Variants in MAP3K5 observed in about 807,000 individuals in gnomAD.
The protein encoded by MAP3K5 is mitogen-activated protein kinase kinase kinase 5.
Under a neutral mutation model 158.7 loss-of-function variants are expected in MAP3K5, and 56 were observed. That is an observed-to-expected ratio of 0.35 (90% confidence interval 0.28 to 0.44). The LOEUF (loss-of-function observed/expected upper bound fraction) is 0.44, where lower values mean the gene tolerates loss of function less well. Among genes scored for constraint, MAP3K5 ranks in the 20% least tolerant of loss-of-function variants. The probability of loss-of-function intolerance (pLI) is 1.00; values close to 1 mark genes in which losing one functional copy is unlikely to be tolerated. For synonymous variants in MAP3K5, 579 were observed against 601.7 expected (o/e 0.96, Z 0.55); for missense variants, 1,294 against 1,674.8 (o/e 0.77, Z 3.97).
chr6:136,679,046 C>A (rs1779823278), intron 7 of MAP3K5, among the ~76,000 whole-genome samples: 1 of 152,146 alleles, frequency 6.6e-6, no homozygotes, highest in Non-Finnish European at 1.5e-5. Flanking sequence ...AAATAATTTG[C>A]ACTATTTAAT....
chr6:136,636,813 A>T, intron 14 of MAP3K5: 12 of 981,532 alleles, frequency 1.2e-5, no homozygotes, highest in Non-Finnish European at 1.5e-5. Context: ...AAAAGTAGGT[A>T]TCCATAGTGC....
At chr6:136,559,119 G>A (rs1160228009) in intron 28 of MAP3K5, among the ~76,000 whole-genome samples, 10 of 152,356 alleles carry the variant, frequency 6.6e-5, no homozygotes. Context: ...AGGAGGCTGA[G>A]GCAGGCGGAT....
In MAP3K5 at chr6:136,656,551, T is replaced by C. The variant is rs919524502; in HGVS notation, c.1527-91A>G. On this transcript the variant is annotated intron_variant, in intron 9 of 29. Coordinates refer to ENST00000359015, the MANE Select transcript of MAP3K5 (RefSeq NM_005923.4). The stretch of plus-strand genomic sequence containing the variant: ...AGTCTAATTCTGTAAATGTAATTTA[T>C]ACATGACATTAATAGTTATGCATTC... 8 of 765,074 alleles carry C rather than the reference T, an allele frequency of 1.0e-5. No homozygotes were observed. The Admixed American group carries it at 1.2e-4, about 12-fold the overall frequency. 47.4% of individuals were successfully genotyped at this position (765,074 alleles called of 1,614,324 possible).
upstream of MAP3K5, among the ~76,000 whole-genome samples, chr6:136,792,892 G>A (rs1290590319): frequency 1.3e-5 from 2 of 152,136 alleles, no homozygotes; most frequent in Admixed American, 6.5e-5. The surrounding 1 kb of genome is among the most constrained non-coding windows in gnomAD (Gnocchi z 5.7). Context: ...CGAGGGTCAG[G>A]GCCAGCCCCC....
At chr6:136,785,590 A>T (rs1279996774) in intron 1 of MAP3K5, among the ~76,000 whole-genome samples, 1 of 152,134 alleles carries the variant, frequency 6.6e-6, no homozygotes, top group Admixed American at 6.5e-5. Flanking sequence ...CGTCGGCCAG[A>T]AGTAGAAAGG....
chr6:136,558,752 A>G (rs146473431), intron 29 of MAP3K5, 48 bp downstream of exon 29: 2 of 1,219,880 alleles, frequency 1.6e-6, no homozygotes, highest in African/African-American at 1.5e-5. Flanking sequence ...ACTTTTTGAT[A>G]TTTGCCTGGT....
At chr6:136,722,759 T>C (rs1781800360) in intron 1 of MAP3K5, among the ~76,000 whole-genome samples, 1 of 149,410 alleles carries the variant, frequency 6.7e-6, no homozygotes, top group Non-Finnish European at 1.5e-5. Flanking sequence ...GCTCACTATA[T>C]ATGCACAGCC....
chr6:136,620,743 CACT>C (rs1776761491), intron 15 of MAP3K5, among the ~76,000 whole-genome samples: 1 of 152,228 alleles, frequency 6.6e-6, no homozygotes, highest in Non-Finnish European at 1.5e-5. Flanking sequence ...GTGTATCATA[CACT>C]ACAACTGCGT....
At chr6:136,622,400 G>A (rs1407570682) in intron 15 of MAP3K5, among the ~76,000 whole-genome samples, 1 of 152,062 alleles carries the variant, frequency 6.6e-6, no homozygotes, top group Non-Finnish European at 1.5e-5. Flanking sequence ...CCAATTTCAG[G>A]GGCAGCTGCC....
At chr6:136,630,565 T>A (rs1388203540) in intron 14 of MAP3K5, among the ~76,000 whole-genome samples, 1 of 152,172 alleles carries the variant, frequency 6.6e-6, no homozygotes, top group East Asian at 1.9e-4. Context: ...AAGCAATGCC[T>A]CCTAAAATAC....
chr6:136,642,632 T>C (rs1325498214), intron 11 of MAP3K5, 63 bp from the exon 12 acceptor site: 1 of 1,149,026 alleles, frequency 8.7e-7, no homozygotes, highest in Non-Finnish European at 1.3e-6. Context: ...ACAACAATAA[T>C]TTTGTTTAAT....
rs973028221 is a variant in MAP3K5 at position 136,609,689 on chromosome 6, G to A, written c.2521+1593C>T. On this transcript the variant is annotated intron_variant, in intron 18 of 29. Transcript: ENST00000359015. The surrounding 1 kb of genome is among the most constrained non-coding windows in gnomAD (Gnocchi z 4.4). ...CGTGCCTATGGTCCCAGCTACTAGG[G>A]AGGCTGAGGTAGGAGAATCACTTGA... 6.6e-6 allele frequency among the ~76,000 whole-genome samples: 1 copy of A among 151,692 alleles called. No individual in the cohort carries two copies. Among genetic ancestry groups the A allele is most frequent in the African/African-American group, 2.4e-5 (1 of 41,266 alleles).
intron 29 of MAP3K5, 44 bp downstream of exon 29, chr6:136,558,756 G>T: frequency 8.1e-7 from 1 of 1,237,260 alleles, no homozygotes; most frequent in Non-Finnish European, 1.2e-6. Flanking sequence ...TTTGATATTT[G>T]CCTGGTGCTC....
intron 15 of MAP3K5, 131 bp downstream of exon 15, chr6:136,622,717 T>G: frequency 1.0e-6 from 1 of 988,050 alleles, no homozygotes; most frequent in Non-Finnish European, 1.5e-6. Context: ...CAGCGAAACC[T>G]CAGAAGGAGC....
chr6:136,681,253 G>C (rs1478487508), intron 7 of MAP3K5, among the ~76,000 whole-genome samples: 1 of 152,060 alleles, frequency 6.6e-6, no homozygotes, highest in African/African-American at 2.4e-5. Flanking sequence ...TCTAATAACT[G>C]AATTACATAA....
intron 5 of MAP3K5, 60 bp downstream of exon 5, chr6:136,697,159 T>C (rs1218336235): frequency 6.9e-7 from 1 of 1,449,220 alleles, no homozygotes; most frequent in Admixed American, 2.1e-5. Flanking sequence ...TTGAGGTTAA[T>C]ACTCCCTTAT....
chr6:136,662,800 A>G (rs1371548198), intron 8 of MAP3K5, among the ~76,000 whole-genome samples: 2 of 152,168 alleles, frequency 1.3e-5, no homozygotes, highest in Non-Finnish European at 2.9e-5. Context: ...TTCCAGATCA[A>G]TATTTTTCTC....
chr6:136,574,120 G>A (rs1774491095), intron 25 of MAP3K5, among the ~76,000 whole-genome samples: 1 of 152,064 alleles, frequency 6.6e-6, no homozygotes, highest in African/African-American at 2.4e-5. Context: ...TAGTAGAGAT[G>A]GGGTTTCACC....
At chr6:136,691,290 T>G (rs1780375573) in intron 7 of MAP3K5, among the ~76,000 whole-genome samples, 1 of 152,092 alleles carries the variant, frequency 6.6e-6, no homozygotes, top group Non-Finnish European at 1.5e-5. Flanking sequence ...ATATCTCTCC[T>G]CTCCTGGGAC....
Sources: gnomAD v4.1 joint callset for allele counts (sites outside exome capture counted in the v4.1 genomes callset) on GRCh38, gnomAD v4.1.1 for gene constraint, Gnocchi (gnomAD v3.1) non-coding constraint, MANE v1.5 for transcripts, NCBI Gene and HGNC (gene_info 2026-07-23, HGNC 2026-07-21) for gene names.